The following PCDHA6 variants were observed in gnomAD, a reference collection of about 807,000 sequenced individuals.
PCDHA6 encodes the protein protocadherin alpha-6.
A neutral mutation model predicts 60.3 loss-of-function variants in PCDHA6; 55 were observed. The ratio of observed to expected loss-of-function variants is 0.91; its 90% confidence interval spans 0.73 to 1.14. The LOEUF is 1.14. Among genes scored for constraint, PCDHA6 ranks in the 50% most tolerant of loss-of-function variants. PCDHA6 has a pLI of 0.00. For missense variants in PCDHA6, 1,327 were observed against 1,256.5 expected (o/e 1.06, Z -0.85); for synonymous variants, 652 against 557.9 (o/e 1.17, Z -2.38).
chr5:140,853,445 A>G, intron 1 of PCDHA6: 1 of 981,870 alleles, frequency 1.0e-6, no homozygotes, highest in Non-Finnish European at 1.2e-6. Flanking sequence ...ATTTTGCCTA[A>G]TAGGTCTCCT....
intron 3 of PCDHA6, among the ~76,000 whole-genome samples, chr5:141,000,383 CTCTCTCTCTCTCTATA>C (rs1346959358): frequency 3.2e-5 from 2 of 63,198 alleles, no homozygotes; most frequent in African/African-American, 1.4e-4. Context: ...CTCTCTCTCT[CTCTCTCTCTCTCTATA>C]TATATATATA....
chr5:141,005,936 G>A (rs1233031842), intron 3 of PCDHA6, among the ~76,000 whole-genome samples: 1 of 151,890 alleles, frequency 6.6e-6, no homozygotes, highest in African/African-American at 2.4e-5. Context: ...GACAGAGTGA[G>A]AACCTATCTC....
chr5:140,842,824 G>A (rs1778307611), intron 1 of PCDHA6: 4 of 1,593,676 alleles, frequency 2.5e-6, no homozygotes, highest in African/African-American at 1.3e-5. Flanking sequence ...GGGTGGGCGA[G>A]CGCTCGCTGT....
chr5:140,853,667 G>A lies in PCDHA6; in HGVS notation c.2394+23182G>A, dbSNP rs965344983. 2.4e-5 allele frequency: 24 copies of A among 988,242 alleles called. 2 individuals carry two copies. The highest frequency in any genetic ancestry group is 7.1e-5 in the African/African-American group (4 of 56,544). 61.2% of individuals were successfully genotyped at this position (988,242 alleles called of 1,614,324 possible). On this transcript the variant is annotated intron_variant, in intron 1 of 3. Transcript: ENST00000529310. ...TTGAGCCTGTTCCAGACAAATTGGG[G>A]CCTATGGTCAACCTATCCTTAGACC...
At chr5:140,897,175 G>A (rs1293904744) in intron 1 of PCDHA6, among the ~76,000 whole-genome samples, 3 of 151,828 alleles carry the variant, frequency 2.0e-5, no homozygotes, top group Admixed American at 6.6e-5. Flanking sequence ...ATCTCCATGG[G>A]TTCAAAAAAT....
chr5:140,870,229 C>T (rs781897836), intron 1 of PCDHA6: 13 of 1,614,046 alleles, frequency 8.1e-6, no homozygotes, highest in East Asian at 4.5e-5. Context: ...CGTGTCTGAC[C>T]GTGACTCAGG....
At position 140,883,117 on chromosome 5, in the gene PCDHA6, G is replaced by T. The variant is rs782191143; in HGVS notation, c.2394+52632G>T. Reference sequence around the variant, plus strand: ...GAGATATAGTTTACTCATTTAGAAGGCCTGTATGGCCTGCAGTGGTATATG... The same window carrying T: ...GAGATATAGTTTACTCATTTAGAAGTCCTGTATGGCCTGCAGTGGTATATG... On this transcript the variant is annotated intron_variant, in intron 1 of 3. Transcript: ENST00000529310. 2.5e-6 allele frequency: 4 copies of T among 1,613,898 alleles called. No homozygotes were observed. Among genetic ancestry groups the T allele is most frequent in the Admixed American group, 3.3e-5 (2 of 59,964 alleles).
At chr5:140,877,605 G>A (rs1554169915) in intron 1 of PCDHA6, 1 of 1,613,856 alleles carries the variant, frequency 6.2e-7, no homozygotes, top group Non-Finnish European at 8.5e-7. Context: ...CCAGCCTGCT[G>A]GTGCTCACGC....
chr5:140,829,182 A>G lies in PCDHA6; in HGVS notation c.1091A>G (p.Gln364Arg), dbSNP rs2150163580. 6.2e-7 allele frequency: 1 copy of G among 1,614,190 alleles called. No individual in the cohort carries two copies. Among genetic ancestry groups the G allele is most frequent in the Non-Finnish European group, 8.5e-7 (1 of 1,180,026 alleles). The change falls in exon 1 of 4, where the codon CAA becomes CGA. Residue 364 changes from glutamine to arginine, a missense_variant. Physicochemically the swap from Gln to Arg is conservative, Grantham distance 43. Transcript: ENST00000529310. ...SLSLPVREDA[Q>R]FGTVIALISV... ...TCCTTGCCTGTACGTGAAGACGCTC[A>G]ATTTGGTACTGTCATCGCCCTAATT...
chr5:140,828,109 G>T lies in PCDHA6; in HGVS notation c.18G>T (p.Glu6Asp). 6.2e-7 allele frequency: 1 copy of T among 1,611,506 alleles called. No individual in the cohort carries two copies. The highest frequency in any genetic ancestry group is 2.2e-5 in the East Asian group (1 of 44,860). Residue 6 changes from glutamate (E) to aspartate (D), a missense_variant, in exon 1 of 4, where the codon GAG becomes GAT. By Grantham distance (45) the Glu-to-Asp change is conservative. Coordinates refer to ENST00000529310, the MANE Select transcript of PCDHA6 (RefSeq NM_018909.4). MVFTPEDRLGKQCLLL... is the reference protein window; with the variant it reads MVFTPDDRLGKQCLLL... ...TATTTGACATGGTGTTTACCCCGGA[G>T]GATAGATTGGGAAAGCAATGTCTGC...
At position 140,828,617 on chromosome 5, in the gene PCDHA6, G is replaced by T. The variant is rs2150157424; in HGVS notation, c.526G>T (p.Glu176Ter). The T allele has an allele frequency of 1.9e-6, 3 of 1,614,158 alleles. No homozygotes were observed. Among genetic ancestry groups the T allele is most frequent in the South Asian group, 1.1e-5 (1 of 91,070 alleles). Residue 176 changes from glutamate (E) to a stop codon, truncating the protein, a stop_gained, in exon 1 of 4, where the codon GAA becomes TAA. Transcript: ENST00000529310. LOFTEE classifies it high-confidence loss of function. ...SILTYKLSSS[E>*]YFGLDVKINS... Reference sequence around the variant, plus strand: ...CTTAACCTATAAACTCAGTTCTAGCGAATACTTCGGGCTAGATGTGAAAAT... The same window carrying T: ...CTTAACCTATAAACTCAGTTCTAGCTAATACTTCGGGCTAGATGTGAAAAT...
At chr5:140,945,377 C>T (rs1183566005) in intron 1 of PCDHA6, among the ~76,000 whole-genome samples, 3 of 151,814 alleles carry the variant, frequency 2.0e-5, no homozygotes, top group African/African-American at 7.3e-5. Context: ...CCATATTACC[C>T]AAAGCAATAT....
chr5:140,834,415 G>A, intron 1 of PCDHA6: 1 of 1,611,536 alleles, frequency 6.2e-7, no homozygotes, highest in Non-Finnish European at 8.5e-7. Flanking sequence ...GACCCAGGGG[G>A]CCGACATCTA....
chr5:140,916,276 C>T (rs1012702427), intron 1 of PCDHA6, among the ~76,000 whole-genome samples: 4 of 152,192 alleles, frequency 2.6e-5, no homozygotes, highest in African/African-American at 7.2e-5. Flanking sequence ...GCTTGTTGCT[C>T]TACTCCACGT....
At chr5:140,842,986 G>T in intron 1 of PCDHA6, 1 of 1,595,006 alleles carries the variant, frequency 6.3e-7, no homozygotes, top group Admixed American at 1.7e-5. Context: ...AGGTGTTCGT[G>T]CTGGACGAGA....
chr5:140,972,270 G>T (rs2096527606), intron 1 of PCDHA6, among the ~76,000 whole-genome samples: 2 of 151,190 alleles, frequency 1.3e-5, no homozygotes, highest in African/African-American at 4.9e-5. Context: ...CTCCTGAGTA[G>T]CTTGGACCAT....
chr5:140,834,595 G>C (rs2150222436), intron 1 of PCDHA6: 5 of 1,614,156 alleles, frequency 3.1e-6, no homozygotes, highest in East Asian at 2.2e-5. Flanking sequence ...TGCAAATTCC[G>C]TGGGGATCTT....
intron 1 of PCDHA6, chr5:140,865,380 G>C (rs1429077853): frequency 6.6e-6 from 1 of 152,142 alleles, no homozygotes; most frequent in Non-Finnish European, 1.5e-5. Context: ...TTATAGGTAG[G>C]GTAAAGTTAA....
chr5:140,846,510 G>A (rs1179802495), intron 1 of PCDHA6, among the ~76,000 whole-genome samples: 11 of 147,866 alleles, frequency 7.4e-5, no homozygotes, highest in African/African-American at 2.7e-4. Flanking sequence ...AAGTAGCTGG[G>A]ATTACAGGTG....
Sources: gnomAD v4.1 joint callset for allele counts (sites outside exome capture counted in the v4.1 genomes callset) on GRCh38, gnomAD v4.1.1 for gene constraint, MANE v1.5 for transcripts, NCBI Gene and HGNC (gene_info 2026-07-23, HGNC 2026-07-21) for gene names.